ATP9B: variants seen among roughly 807,000 people sequenced by gnomAD.
The protein encoded by ATP9B is ATPase phospholipid transporting 9B.
A neutral mutation model predicts 146.1 loss-of-function variants in ATP9B; 110 were observed. The ratio of observed to expected loss-of-function variants is 0.75; its 90% CI spans 0.65 to 0.88. The LOEUF (loss-of-function observed/expected upper bound fraction) is 0.88. Ranked by LOEUF, ATP9B falls within the 40% of genes least tolerant of loss-of-function variation. The pLI is 0.00. For missense variants in ATP9B, 1,499 were observed against 1,496.4 expected (o/e 1.00, Z -0.03); for synonymous variants, 604 against 569.7 (o/e 1.06, Z -0.86).
chr18:79,348,333 AAAC>A lies in ATP9B; in HGVS notation c.2903+142_2903+144del, dbSNP rs1042547091. ...TTTAGAATGAATAATACTGATGTAA[AAAC>A]AACATTTTACTTGGGTGAACTTCAA... On this transcript the variant is annotated intron_variant, in intron 25 of 29. Coordinates refer to ENST00000426216, the MANE Select transcript of ATP9B (RefSeq NM_198531.5). 3.3e-5 allele frequency: 27 copies of A among 828,254 alleles called. No individual in the cohort carries two copies. The East Asian group carries it at 4.7e-4, about 14-fold the overall frequency. The allele number at this position is 828,254 out of a possible 1,614,324, so 51.3% of individuals were successfully genotyped here. A position where few individuals can be genotyped will look rare whatever the true frequency, so the allele number is the denominator to read the frequency against.
chr18:79,222,422 T>C (rs557678497), intron 11 of ATP9B, among the ~76,000 whole-genome samples: 3 of 152,150 alleles, frequency 2.0e-5, no homozygotes, highest in Admixed American at 6.5e-5. Flanking sequence ...GACGCCTGGT[T>C]GTCCCCACAC....
chr18:79,309,613 A>T (rs1316201905), intron 15 of ATP9B, among the ~76,000 whole-genome samples: 1 of 139,668 alleles, frequency 7.2e-6, no homozygotes, highest in Non-Finnish European at 1.5e-5. Flanking sequence ...TCAGGGGCTG[A>T]GGAGTGATCC....
rs769718721 is a variant in ATP9B, at chr18:79,197,887, C to T, written c.954+4624C>T. Among the ~76,000 whole-genome samples, 58 of 152,128 alleles carry T rather than the reference C, an allele frequency of 3.8e-4. 1 individual carries two copies. The highest frequency in any genetic ancestry group is 1.9e-4 in the East Asian group (1 of 5,196). ...GAACTAATAGGCAACATAAAATCTA[C>T]GAGAACGGATTTTTTCCTTCTAATC... On this transcript the variant is annotated intron_variant, in intron 9 of 29. Transcript: ENST00000426216.
At chr18:79,190,996 T>C (rs2095361319) in intron 8 of ATP9B, among the ~76,000 whole-genome samples, 1 of 152,236 alleles carries the variant, frequency 6.6e-6, no homozygotes, top group Non-Finnish European at 1.5e-5. Flanking sequence ...TCTGCTGATA[T>C]TCCTCTGGTG....
chr18:79,140,897 G>A (rs2094505987), intron 5 of ATP9B, among the ~76,000 whole-genome samples: 1 of 152,178 alleles, frequency 6.6e-6, no homozygotes, highest in Admixed American at 6.5e-5. Flanking sequence ...TTTCCTCTAT[G>A]AGGAAAAACC....
intron 25 of ATP9B, among the ~76,000 whole-genome samples, chr18:79,355,530 CAG>C (rs1471122893): frequency 3.3e-5 from 5 of 152,164 alleles, no homozygotes; most frequent in Non-Finnish European, 7.4e-5. Flanking sequence ...AACTGGAAGA[CAG>C]AAAAACAGAA....
In ATP9B at chr18:79,274,007, C is replaced by T. The variant is rs539452093; in HGVS notation, c.1269-3047C>T. On this transcript the variant is annotated intron_variant, in intron 12 of 29. Coordinates refer to ENST00000426216, the MANE Select transcript of ATP9B (RefSeq NM_198531.5). Reference sequence around the variant, plus strand: ...ACTGCCTTTTGTTTCAGGTAACTGTCTGAAATGACAGGTACCTTTTTCCAC... The same window carrying T: ...ACTGCCTTTTGTTTCAGGTAACTGTTTGAAATGACAGGTACCTTTTTCCAC... 1.9e-4 allele frequency among the ~76,000 whole-genome samples: 29 copies of T among 152,256 alleles called. No homozygotes were observed. The South Asian group carries it at 4.6e-3, about 24-fold the overall frequency.
intron 4 of ATP9B, among the ~76,000 whole-genome samples, chr18:79,122,839 G>T (rs976398046): frequency 5.9e-5 from 9 of 151,850 alleles, no homozygotes; most frequent in Non-Finnish European, 1.2e-4. Context: ...TTATTTCATT[G>T]CTGCTTTGTC....
intron 7 of ATP9B, among the ~76,000 whole-genome samples, chr18:79,168,982 C>G (rs565730321): frequency 6.6e-6 from 1 of 152,162 alleles, no homozygotes; most frequent in South Asian, 2.1e-4. Context: ...GTCCTTTGGC[C>G]TTTGAGGTTC....
chr18:79,352,602 C>CA (rs1201217503), intron 25 of ATP9B: 13 of 152,212 alleles, frequency 8.5e-5, no homozygotes, highest in Admixed American at 6.5e-4. Context: ...TCTGTTTCAA[C>CA]AGCCACATGG....
intron 13 of ATP9B, among the ~76,000 whole-genome samples, chr18:79,278,049 G>A (rs557304008): frequency 1.3e-5 from 2 of 152,264 alleles, no homozygotes; most frequent in African/African-American, 2.4e-5. Flanking sequence ...AATAGAAATA[G>A]GATATAAGAC....
chr18:79,376,273 G>A (rs1448319268), intron 29 of ATP9B: 1 of 984,806 alleles, frequency 1.0e-6, no homozygotes, highest in Non-Finnish European at 1.2e-6. Flanking sequence ...CAGGTTAGGT[G>A]AGCTGGTGTC....
Position 79,253,509 on chromosome 18 carries a change from C to T in ATP9B, c.1236C>T (p.Phe412=), listed in dbSNP as rs1251438865. 1.9e-6 allele frequency: 3 copies of T among 1,603,610 alleles called. No individual in the cohort carries two copies. The highest frequency in any genetic ancestry group is 2.5e-6 in the Non-Finnish European group (3 of 1,176,824). Residue 412 remains phenylalanine (F), a synonymous_variant, in exon 12 of 30, where the codon TTC becomes TTT. Coordinates refer to ENST00000426216, the MANE Select transcript of ATP9B (RefSeq NM_198531.5). ...VGPWYRNLFR[F]LLLFSYIIPI... ...CATGGTACCGCAATCTTTTTCGGTT[C>T]CTTCTCCTCTTTTCTTACATCATTC... is the stretch of plus-strand genomic sequence containing the variant.
chr18:79,189,905 A>T (rs942030455), intron 8 of ATP9B, among the ~76,000 whole-genome samples: 3 of 152,248 alleles, frequency 2.0e-5, no homozygotes, highest in Non-Finnish European at 4.4e-5. Context: ...TATTACGCCA[A>T]ACACGATGGA....
intron 12 of ATP9B, among the ~76,000 whole-genome samples, chr18:79,261,584 C>G (rs1198959003): frequency 6.6e-6 from 1 of 152,134 alleles, no homozygotes; most frequent in Admixed American, 6.5e-5. Context: ...GAGGAAACAG[C>G]TCTGCCTGCA....
At chr18:79,174,272 C>G (rs932645874) in intron 7 of ATP9B, 64 of 284,430 alleles carry the variant, frequency 2.3e-4, no homozygotes, top group South Asian at 1.9e-3. Flanking sequence ...TCACCATCGT[C>G]CCCTGGAAGA....
chr18:79,329,178 C>CA lies in ATP9B; in HGVS notation c.1811_1812insA (p.Leu605AlafsTer43). ...CAGTGGACAGAGAGTGTGGGCCTCA[C>CA]GCTGGTCAGCAGGGACCTCACCTCC... On this transcript the variant is annotated frameshift_variant, in exon 16 of 30. Coordinates refer to ENST00000426216, the MANE Select transcript of ATP9B (RefSeq NM_198531.5). LOFTEE classifies it high-confidence loss of function. The CA allele has an allele frequency of 6.2e-7, 1 of 1,610,384 alleles. No individual in the cohort carries two copies. The highest frequency in any genetic ancestry group is 1.7e-5 in the Admixed American group (1 of 59,720).
chr18:79,234,500 C>A (rs1044255973), intron 11 of ATP9B, among the ~76,000 whole-genome samples: 4 of 152,214 alleles, frequency 2.6e-5, no homozygotes, highest in African/African-American at 7.2e-5. Flanking sequence ...CTTCTTCCTG[C>A]GTGTTCTGCA....
intron 12 of ATP9B, among the ~76,000 whole-genome samples, chr18:79,275,195 G>A (rs542974617): frequency 1.3e-5 from 2 of 152,346 alleles, no homozygotes; most frequent in South Asian, 4.1e-4. Context: ...AGCGTAATAG[G>A]AAGTCAAATC....
Sources: allele counts gnomAD v4.1 joint callset (sites outside exome capture counted in the v4.1 genomes callset), GRCh38; gene constraint gnomAD v4.1.1; transcripts MANE v1.5; gene names NCBI Gene and HGNC (gene_info 2026-07-23, HGNC 2026-07-21).